The following LRRK1 variants were observed in gnomAD, a reference collection of about 807,000 sequenced individuals.
LRRK1 encodes leucine rich repeat kinase 1, also known as leucine-rich repeat serine/threonine-protein kinase 1.
A neutral mutation model predicts 209.1 loss-of-function variants in LRRK1; 113 were observed. That is an observed-to-expected ratio of 0.54 (90% CI 0.46 to 0.63). The LOEUF (loss-of-function observed/expected upper bound fraction) is 0.63, where lower values mean the gene tolerates loss of function less well. Among genes scored for constraint, LRRK1 ranks in the 30% least tolerant of loss-of-function variants. The pLI is 0.00. For synonymous variants in LRRK1, 1,144 were observed against 1,099.7 expected, an observed-to-expected ratio of 1.04 and a Z score of -0.80; for missense variants, 2,284 against 2,632.2, an observed-to-expected ratio of 0.87 and a Z score of 2.89.
intron 31 of LRRK1, among the ~76,000 whole-genome samples, chr15:101,063,218 G>A (rs902159895): frequency 1.3e-5 from 2 of 152,110 alleles, no homozygotes; most frequent in Non-Finnish European, 2.9e-5. Flanking sequence ...TTCTAAATGA[G>A]ACCCCAAGGG....
intron 6 of LRRK1, among the ~76,000 whole-genome samples, chr15:100,999,171 G>T (rs1187412987): frequency 6.6e-6 from 1 of 151,988 alleles, no homozygotes; most frequent in African/African-American, 2.4e-5. Context: ...AATAGCTATT[G>T]GCAAAATTCC....
At chr15:100,932,939 C>T (rs1162625997) in intron 2 of LRRK1, among the ~76,000 whole-genome samples, 1 of 152,206 alleles carries the variant, frequency 6.6e-6, no homozygotes, top group Non-Finnish European at 1.5e-5. Context: ...TGACGAGTGC[C>T]TGGAGACCCA....
chr15:100,929,852 A>C (rs571618875), intron 2 of LRRK1, among the ~76,000 whole-genome samples: 1 of 152,340 alleles, frequency 6.6e-6, no homozygotes, highest in South Asian at 2.1e-4. Flanking sequence ...TTAATGAGTG[A>C]GGAGAAGGAC....
At chr15:101,055,309 C>T in intron 27 of LRRK1, 86 bp downstream of exon 27, 1 of 1,303,574 alleles carries the variant, frequency 7.7e-7, no homozygotes, top group Non-Finnish European at 1.0e-6. Flanking sequence ...GCACCTGAAG[C>T]TTCGGGGCTC....
At chr15:101,049,232 AGAG>A (rs1382987009) in intron 22 of LRRK1, among the ~76,000 whole-genome samples, 6 of 152,232 alleles carry the variant, frequency 3.9e-5, no homozygotes, top group African/African-American at 1.2e-4. Flanking sequence ...CAGCTCTGTG[AGAG>A]GAGAAGAAGG....
chr15:100,985,803 A>T (rs1184559805), intron 4 of LRRK1, among the ~76,000 whole-genome samples: 1 of 152,252 alleles, frequency 6.6e-6, no homozygotes, highest in African/African-American at 2.4e-5. Context: ...AAGTGCAGAG[A>T]TGGGCAAAAC....
intron 7 of LRRK1, among the ~76,000 whole-genome samples, chr15:101,010,041 G>A (rs568826845): frequency 2.6e-5 from 4 of 152,196 alleles, no homozygotes; most frequent in African/African-American, 4.8e-5. Context: ...AAGTGAGAAC[G>A]GGAAAGAAGC....
chr15:101,020,369 C>CTTTTT (rs1258764876), intron 12 of LRRK1, among the ~76,000 whole-genome samples: 17 of 98,460 alleles, frequency 1.7e-4, no homozygotes, highest in Non-Finnish European at 2.1e-4. Flanking sequence ...CGGTTCTGAA[C>CTTTTT]TTTTTTTTTT....
intron 3 of LRRK1, among the ~76,000 whole-genome samples, chr15:100,980,212 G>C (rs751580321): frequency 1.1e-4 from 17 of 151,572 alleles, no homozygotes; most frequent in Middle Eastern, 3.2e-3. Context: ...CATATATGGA[G>C]TACTACTAAG....
chr15:101,075,786 C>A lies in LRRK1; in HGVS notation c.*6938C>A, dbSNP rs889506754. 4 of 151,946 alleles carry A rather than the reference C, an allele frequency of 2.6e-5. No homozygotes were observed. Among genetic ancestry groups the A allele is most frequent in the Non-Finnish European group, 5.9e-5 (4 of 68,034 alleles). 9.4% of individuals were successfully genotyped at this position (151,946 alleles called of 1,614,324 possible). A position where few individuals can be genotyped will look rare whatever the true frequency, so the allele number is the denominator to read the frequency against. ...CATAATCCATTATTGTGTTCTGGAT[C>A]TCAAACATGCTTTCTTTACTATTCC... On this transcript the variant is annotated 3_prime_UTR_variant, in exon 34 of 34. Transcript: ENST00000388948.
Position 101,029,085 on chromosome 15 carries a change from G to A in LRRK1, c.2816G>A (p.Gly939Asp), listed in dbSNP as rs754220038. The A allele has an allele frequency of 1.9e-6, 3 of 1,614,188 alleles. No homozygotes were observed. Among genetic ancestry groups the A allele is most frequent in the Non-Finnish European group, 2.5e-6 (3 of 1,180,040 alleles). The change falls in exon 20 of 34, where the codon GGC becomes GAC. Residue 939 changes from glycine to aspartate, a missense_variant. Around this residue, in one of 6 missense-constraint regions of LRRK1, gnomAD observed 780 missense variants for 985.2 expected, o/e 0.79. Coordinates refer to ENST00000388948, the MANE Select transcript of LRRK1 (RefSeq NM_024652.6). The stretch of plus-strand genomic sequence containing the variant: ...CTGCAGAGGATCTTTAATATTAAGG[G>A]CTCTCGGTCAGTGGCCAAGAATGGG... ...ECLQRIFNIK[G>D]SRSVAKNGVI...
In LRRK1 at chr15:100,924,647, G is replaced by A. The variant is rs201093318; in HGVS notation, c.15G>A (p.Ser5=). The change falls in exon 2 of 34, where the codon TCG becomes TCA. Residue 5 remains serine (S), a synonymous_variant. Transcript: ENST00000388948. ...TGCAAGGGTTGATGGCTGGCATGTC[G>A]CAAAGACCCCCCAGCATGTACTGGT... The part of the protein sequence containing the change: MAGM[S]QRPPSMYWCV... 2.0e-5 allele frequency: 33 copies of A among 1,614,080 alleles called. No individual in the cohort carries two copies. The highest frequency in any genetic ancestry group is 8.9e-5 in the East Asian group (4 of 44,878).
At chr15:100,931,092 G>A (rs754372428) in intron 2 of LRRK1, among the ~76,000 whole-genome samples, 5 of 152,178 alleles carry the variant, frequency 3.3e-5, no homozygotes, top group Admixed American at 2.0e-4. Flanking sequence ...CGAGAAAACC[G>A]AACAGAAACA....
chr15:100,933,038 C>T (rs1056391819), intron 2 of LRRK1, among the ~76,000 whole-genome samples: 6 of 152,208 alleles, frequency 3.9e-5, no homozygotes, highest in Non-Finnish European at 4.4e-5. Context: ...TCTTACTTTG[C>T]ACCTTTATTT....
intron 2 of LRRK1, among the ~76,000 whole-genome samples, chr15:100,928,173 A>C (rs544650149): frequency 6.6e-6 from 1 of 152,358 alleles, no homozygotes; most frequent in East Asian, 1.9e-4. Context: ...TGTTTATTTA[A>C]GTACTGATGA....
In LRRK1 at chr15:101,068,854, G is replaced by A; in HGVS notation, c.*6G>A. ...GCACTCGCAAGAGAAGGTAATTCCT[G>A]TGGAATGACTGTCACACATCAGAGC... On this transcript the variant is annotated 3_prime_UTR_variant, in exon 34 of 34. Coordinates refer to ENST00000388948, the MANE Select transcript of LRRK1 (RefSeq NM_024652.6). 1 of 1,587,420 alleles carries A rather than the reference G, an allele frequency of 6.3e-7. No individual in the cohort carries two copies. Among genetic ancestry groups the A allele is most frequent in the Non-Finnish European group, 8.6e-7 (1 of 1,165,854 alleles).
chr15:100,956,500 C>CA (rs2141628912), intron 2 of LRRK1, among the ~76,000 whole-genome samples: 2 of 115,070 alleles, frequency 1.7e-5, no homozygotes, highest in Non-Finnish European at 3.3e-5. Context: ...CTGTCACCCC[C>CA]AGGCTGGAGG....
chr15:101,057,949 G>C lies in LRRK1; in HGVS notation c.4528-41G>C, dbSNP rs144687581. ...GGGCAGAACGGGCACCAATCCGGTT[G>C]TAAGTGACCTTGCTCTCTTCTGGTG... On this transcript the variant is annotated intron_variant, in intron 28 of 33. Transcript: ENST00000388948. 473 of 1,610,260 alleles carry C rather than the reference G, an allele frequency of 2.9e-4. 3 individuals are homozygous for C. In the East Asian group the frequency reaches 7.7e-3, roughly 26 times the overall value.
rs2033858161 is a variant in LRRK1 at position 101,022,771 on chromosome 15, CA to C, written c.2067+175del. On this transcript the variant is annotated intron_variant, in intron 15 of 33. Transcript: ENST00000388948. This position sits in a 1 kb window ranked among gnomAD's most constrained non-coding sequence, Gnocchi z 4.0. ...CCAGCTTCTGCCAAGAGCAGCGAATCATTTCTTAATGTGACTTTGTGATGTT... is the reference window on the plus strand; with the variant it reads ...CCAGCTTCTGCCAAGAGCAGCGAATCTTTCTTAATGTGACTTTGTGATGTT... Among the ~76,000 whole-genome samples, 1 of 152,172 alleles carries C rather than the reference CA, an allele frequency of 6.6e-6. No homozygotes were observed. Among genetic ancestry groups the C allele is most frequent in the Admixed American group, 6.5e-5 (1 of 15,280 alleles).
Sources: gnomAD v4.1 joint callset for allele counts (sites outside exome capture counted in the v4.1 genomes callset) on GRCh38, gnomAD v4.1.1 for gene constraint, gnomAD v4.1.1 regional missense constraint, Gnocchi (gnomAD v3.1) non-coding constraint, MANE v1.5 for transcripts, NCBI Gene and HGNC (gene_info 2026-07-23, HGNC 2026-07-21) for gene names.